RBFOX1: variants seen among roughly 807,000 people sequenced by gnomAD.
The protein encoded by RBFOX1 is RNA binding protein fox-1 homolog 1.
Under a neutral mutation model 57.7 loss-of-function variants are expected in RBFOX1, and 8 were observed. The observed-to-expected ratio is 0.14, with a 90% CI of 0.08 to 0.25. RBFOX1 has a LOEUF of 0.25. Ranked by LOEUF, RBFOX1 falls within the 10% of genes least tolerant of loss-of-function variation. The pLI is 1.00. For synonymous variants in RBFOX1, 326 were observed against 222.4 expected, an observed-to-expected ratio of 1.47 and a Z score of -4.15; for missense variants, 611 against 548.5, an observed-to-expected ratio of 1.11 and a Z score of -1.14.
intron 4 of RBFOX1, among the ~76,000 whole-genome samples, chr16:7,425,320 T>C (rs924014099): frequency 1.3e-5 from 2 of 152,162 alleles, no homozygotes; most frequent in African/African-American, 4.8e-5. Context: ...AGGGGTCTAT[T>C]TGATGAGTAA....
intron 4 of RBFOX1, among the ~76,000 whole-genome samples, chr16:7,174,333 G>A (rs879326923): frequency 6.6e-5 from 10 of 152,118 alleles, no homozygotes; most frequent in South Asian, 2.1e-4. Context: ...TGATGGATAC[G>A]TGGATTGTTT....
chr16:5,757,200 CGGGGAAGGTTTTTTTTGTTTT>C (rs2053428746), intron 3 of RBFOX1, among the ~76,000 whole-genome samples: 2 of 145,342 alleles, frequency 1.4e-5, no homozygotes. Context: ...AAGAGCGTGG[CGGGGAAGGTTTTTTTTGTTTT>C]GGTTTTTGTG....
chr16:6,882,614 T>C (rs2063179607), intron 3 of RBFOX1, among the ~76,000 whole-genome samples: 1 of 151,924 alleles, frequency 6.6e-6, no homozygotes, highest in South Asian at 2.1e-4. Context: ...TATAAATAAA[T>C]AAATAAGATC....
intron 2 of RBFOX1, among the ~76,000 whole-genome samples, chr16:6,328,214 T>G: frequency 6.6e-6 from 1 of 152,018 alleles, no homozygotes; most frequent in East Asian, 1.9e-4. Flanking sequence ...GACTCATAAG[T>G]GGGAGCTAAG....
At chr16:5,478,178 A>G (rs923082230) in intron 2 of RBFOX1, among the ~76,000 whole-genome samples, 4 of 152,138 alleles carry the variant, frequency 2.6e-5, no homozygotes, top group African/African-American at 9.7e-5. Flanking sequence ...TGGCGGAGTA[A>G]ATTTCAGAGC....
At chr16:6,338,405 G>C (rs965282970) in intron 2 of RBFOX1, among the ~76,000 whole-genome samples, 3 of 152,214 alleles carry the variant, frequency 2.0e-5, no homozygotes, top group African/African-American at 7.2e-5. Context: ...ATATCAGTCA[G>C]TAGGTTCTAA....
At chr16:6,914,572 A>G (rs1192880424) in intron 3 of RBFOX1, among the ~76,000 whole-genome samples, 1 of 152,052 alleles carries the variant, frequency 6.6e-6, no homozygotes, top group Non-Finnish European at 1.5e-5. Flanking sequence ...ATAAAAAAAA[A>G]AACCCAAAAC....
chr16:7,268,716 G>GTA, intron 4 of RBFOX1, among the ~76,000 whole-genome samples: 1 of 152,018 alleles, frequency 6.6e-6, no homozygotes, highest in East Asian at 1.9e-4. Context: ...CTTGGGACTA[G>GTA]CCTTTTTCTC....
At chr16:6,966,546 T>C (rs965084683) in intron 3 of RBFOX1, among the ~76,000 whole-genome samples, 1 of 151,920 alleles carries the variant, frequency 6.6e-6, no homozygotes, top group Admixed American at 6.6e-5. Flanking sequence ...TGGATCGAGT[T>C]ATGCAATGTC....
intron 1 of RBFOX1, among the ~76,000 whole-genome samples, chr16:6,299,266 T>C (rs934518549): frequency 6.6e-6 from 1 of 152,232 alleles, no homozygotes; most frequent in Non-Finnish European, 1.5e-5. Context: ...CTTCCGTCTC[T>C]TCCTCAGAGG....
In RBFOX1 at chr16:5,377,366, A is replaced by C. The variant is rs539172; in HGVS notation, c.220-89850A>C. Among the ~76,000 whole-genome samples, 334 of 151,488 alleles carry C rather than the reference A, an allele frequency of 2.2e-3. 17 individuals carry two copies. The highest frequency in any genetic ancestry group is 7.8e-3 in the African/African-American group (318 of 40,784). On this transcript the variant is annotated intron_variant, in intron 1 of 2. Transcript: ENST00000585867. ...AAGCCCCCTTGAGATGGGGTCACGT[A>C]AGCAGAGACTCGAGGGATGAGAAGG...
At chr16:7,545,555 G>C (rs1236342056) in intron 5 of RBFOX1, among the ~76,000 whole-genome samples, 1 of 152,120 alleles carries the variant, frequency 6.6e-6, no homozygotes, top group Non-Finnish European at 1.5e-5. Flanking sequence ...CTATTTCTTA[G>C]AGCTTAGGTA....
chr16:6,007,730 A>G (rs1286802363), intron 4 of RBFOX1, among the ~76,000 whole-genome samples: 1 of 152,214 alleles, frequency 6.6e-6, no homozygotes, highest in Non-Finnish European at 1.5e-5. Flanking sequence ...CAGCAGCCCC[A>G]GAAGCCTGGA....
chr16:6,903,276 G>T (rs778280688), intron 3 of RBFOX1, among the ~76,000 whole-genome samples: 1 of 152,174 alleles, frequency 6.6e-6, no homozygotes, highest in Non-Finnish European at 1.5e-5. Context: ...AGCTCATATG[G>T]CCAGGAGGGC....
chr16:6,679,656 A>G (rs1353229252), intron 3 of RBFOX1, among the ~76,000 whole-genome samples: 1 of 152,164 alleles, frequency 6.6e-6, no homozygotes, highest in Non-Finnish European at 1.5e-5. Context: ...TCAAAACTTT[A>G]AAACACCTGT....
intron 2 of RBFOX1, among the ~76,000 whole-genome samples, chr16:6,413,548 C>T (rs2093533937): frequency 6.6e-6 from 1 of 152,004 alleles, no homozygotes; most frequent in East Asian, 1.9e-4. Flanking sequence ...CATATGAAAC[C>T]TGTGCTTTTG....
rs573261100 is a variant in RBFOX1 at position 5,871,741 on chromosome 16, C to A, written c.351+4406C>A. ...AGGATGTTTGAGGAAAAAAAAAATT[C>A]ATTTCATTTCACTTACCAGTTGGTT... is the stretch of plus-strand genomic sequence containing the variant. On this transcript the variant is annotated intron_variant, in intron 4 of 19. Coordinates refer to the RBFOX1 transcript ENST00000641259. Among the ~76,000 whole-genome samples, 16 of 152,262 alleles carry A rather than the reference C, an allele frequency of 1.1e-4. No homozygotes were observed. In the East Asian group the frequency reaches 3.1e-3, roughly 29 times the overall value.
intron 3 of RBFOX1, among the ~76,000 whole-genome samples, chr16:7,050,264 C>CTT (rs60550468): frequency 8.3e-6 from 1 of 121,130 alleles, no homozygotes; most frequent in East Asian, 2.4e-4. Context: ...TTATTTTTAT[C>CTT]TTTTTTTTTT....
At chr16:7,556,070 C>G (rs1196338196) in intron 5 of RBFOX1, among the ~76,000 whole-genome samples, 2 of 152,112 alleles carry the variant, frequency 1.3e-5, no homozygotes, top group African/African-American at 4.8e-5. Context: ...AGAAAGTAAC[C>G]CTAACTCTGA....
Sources: allele counts gnomAD v4.1 joint callset (sites outside exome capture counted in the v4.1 genomes callset), GRCh38; gene constraint gnomAD v4.1.1; transcripts MANE v1.5; gene names NCBI Gene and HGNC (gene_info 2026-07-23, HGNC 2026-07-21).